WWTR1: variants seen among roughly 807,000 people sequenced by gnomAD.
The protein encoded by WWTR1 is WW domain containing transcription regulator 1, also known as WW domain-containing transcription regulator protein 1.
WWTR1 carries 13 observed loss-of-function variants against 40.1 expected under a neutral mutation model. The observed-to-expected ratio is 0.32, with a 90% CI of 0.21 to 0.52. The LOEUF is 0.52. Among genes scored for constraint, WWTR1 ranks in the 20% least tolerant of loss-of-function variants. The probability of loss-of-function intolerance (pLI) is 0.97; values close to 1 mark genes in which losing one functional copy is unlikely to be tolerated. For synonymous variants in WWTR1, 230 were observed against 210.1 expected (o/e 1.09, Z -0.82); for missense variants, 436 against 523.1 (o/e 0.83, Z 1.63).
chr3:149,645,046 T>C (rs1712410478), intron 2 of WWTR1, among the ~76,000 whole-genome samples: 1 of 151,814 alleles, frequency 6.6e-6, no homozygotes, highest in Non-Finnish European at 1.5e-5. Context: ...AGATACGGGG[T>C]TTCACCATGT....
chr3:149,590,752 A>G (rs575404154), intron 2 of WWTR1, among the ~76,000 whole-genome samples: 1 of 152,310 alleles, frequency 6.6e-6, no homozygotes, highest in African/African-American at 2.4e-5. Context: ...AATAAGGTCT[A>G]GGGCTTTTTC....
intron 2 of WWTR1, among the ~76,000 whole-genome samples, chr3:149,638,946 G>A (rs568107732): frequency 7.9e-5 from 12 of 152,264 alleles, no homozygotes; most frequent in African/African-American, 2.2e-4. Context: ...CAAAAACACC[G>A]CAGAGGCTAG....
chr3:149,622,483 AAGG>A (rs1560089608), intron 2 of WWTR1, among the ~76,000 whole-genome samples: 3 of 129,014 alleles, frequency 2.3e-5, no homozygotes, highest in Non-Finnish European at 5.0e-5. Context: ...GGAAGGAAGG[AAGG>A]AAGGAAGGAA....
intron 1 of WWTR1, chr3:149,702,649 C>G (rs1715217483): frequency 6.6e-6 from 1 of 151,850 alleles, no homozygotes. Flanking sequence ...CTTGACTTTA[C>G]TCTTGAAACC....
intron 4 of WWTR1, among the ~76,000 whole-genome samples, chr3:149,539,894 C>T (rs538557677): frequency 6.6e-6 from 1 of 152,126 alleles, no homozygotes; most frequent in East Asian, 1.9e-4. Context: ...TAGAACACTC[C>T]AATGCCATTT....
intron 3 of WWTR1, among the ~76,000 whole-genome samples, chr3:149,554,273 T>C (rs1250760896): frequency 5.3e-5 from 8 of 152,184 alleles, no homozygotes; most frequent in African/African-American, 1.9e-4. Context: ...GCTTCACTGT[T>C]TCAAGCCTTA....
intron 1 of WWTR1, among the ~76,000 whole-genome samples, chr3:149,678,779 C>A (rs1169946883): frequency 6.6e-6 from 1 of 151,380 alleles, no homozygotes; most frequent in Non-Finnish European, 1.5e-5. Flanking sequence ...TTCATGGGAA[C>A]TTTCCAAGGT....
intron 2 of WWTR1, among the ~76,000 whole-genome samples, chr3:149,594,736 CCACACA>C (rs112400903): frequency 3.4e-5 from 5 of 149,218 alleles, no homozygotes; most frequent in African/African-American, 1.2e-4. Flanking sequence ...CACACACACA[CCACACA>C]CACACACACA....
chr3:149,707,241 G>A (rs1342015422), upstream of WWTR1, among the ~76,000 whole-genome samples: 1 of 152,164 alleles, frequency 6.6e-6, no homozygotes, highest in African/African-American at 2.4e-5. Flanking sequence ...TGCAGTGTAG[G>A]GAGAAAGCCA....
upstream of WWTR1, among the ~76,000 whole-genome samples, chr3:149,662,693 GT>G (rs1217100227): frequency 7.2e-5 from 11 of 151,994 alleles, no homozygotes; most frequent in Non-Finnish European, 1.5e-5. Flanking sequence ...CAGCTCAGAA[GT>G]TTTTTTTAAC....
intron 2 of WWTR1, among the ~76,000 whole-genome samples, chr3:149,605,868 C>A (rs190571432): frequency 2.0e-5 from 3 of 152,218 alleles, no homozygotes; most frequent in East Asian, 3.9e-4. Context: ...GAGAACACAG[C>A]TATAAAGACA....
intron 2 of WWTR1, chr3:149,650,020 C>T (rs757063953): frequency 6.6e-6 from 1 of 152,154 alleles, no homozygotes; most frequent in African/African-American, 2.4e-5. Flanking sequence ...CCTCGGCCCC[C>T]CAAAGTGATA....
rs142286224 is a variant in WWTR1 at position 149,644,202 on chromosome 3, G to A, written c.431+12674C>T. ...ATCTTCCTTTCCTCCTGCTTTACTC[G>A]CTGCCTTTATCCAATCCATCACCAA... On this transcript the variant is annotated intron_variant, in intron 2 of 6. Coordinates refer to ENST00000360632, the MANE Select transcript of WWTR1 (RefSeq NM_015472.6). Among the ~76,000 whole-genome samples, 11 of 152,118 alleles carry A rather than the reference G, an allele frequency of 7.2e-5. No individual in the cohort carries two copies. The South Asian group carries it at 1.2e-3, about 17-fold the overall frequency.
intron 2 of WWTR1, among the ~76,000 whole-genome samples, chr3:149,641,062 C>T (rs761870840): frequency 2.0e-5 from 3 of 151,918 alleles, no homozygotes; most frequent in East Asian, 1.9e-4. Context: ...TTAAGGCATT[C>T]GATATTATTT....
chr3:149,526,957 A>G (rs956192325), intron 5 of WWTR1, among the ~76,000 whole-genome samples: 2 of 152,216 alleles, frequency 1.3e-5, no homozygotes, highest in African/African-American at 4.8e-5. Flanking sequence ...AAATTGTGAA[A>G]TTATTTTAAA....
Position 149,552,357 on chromosome 3 carries a change from T to TGCC in WWTR1, c.569-9821_569-9820insGGC, listed in dbSNP as rs1308700252. Among the ~76,000 whole-genome samples, 13 of 109,040 alleles carry TGCC rather than the reference T, an allele frequency of 1.2e-4. 1 individual carries two copies. The highest frequency in any genetic ancestry group is 5.8e-4 in the East Asian group (2 of 3,476). 71.5% of individuals were successfully genotyped at this position (109,040 alleles called of 152,430 possible). A position where few individuals can be genotyped will look rare whatever the true frequency, so the allele number is the denominator to read the frequency against. On this transcript the variant is annotated intron_variant, in intron 3 of 6. Transcript: ENST00000360632. ...TAAATACATTCTCCCCAAAGTAAGG[T>TGCC]TAAGGGAGGTTAGAAATTGGTAACA...
intron 2 of WWTR1, 24 bp downstream of exon 2, chr3:149,656,852 T>G: frequency 6.0e-6 from 9 of 1,500,588 alleles, no homozygotes; most frequent in Non-Finnish European, 7.1e-6. Flanking sequence ...ACTTGGTGCC[T>G]TCTTCGGCTC....
chr3:149,680,496 G>A lies in WWTR1; in HGVS notation c.-107-10605C>T, dbSNP rs755321019. On this transcript the variant is annotated intron_variant, in intron 1 of 7. Transcript: ENST00000465804. ...GAGGCGGAGGTTGCAGTGAGCCAAC[G>A]TTGTGCCACTGCACTCCAGCCTGGG... Among the ~76,000 whole-genome samples, 34 of 151,790 alleles carry A rather than the reference G, an allele frequency of 2.2e-4. 1 individual carries two copies. The highest frequency in any genetic ancestry group is 2.0e-3 in the Admixed American group (31 of 15,232).
intron 2 of WWTR1, among the ~76,000 whole-genome samples, chr3:149,653,208 T>C (rs572196114): frequency 5.5e-4 from 84 of 152,368 alleles, no homozygotes; most frequent in South Asian, 1.7e-3. Context: ...GATAACTTTC[T>C]TCTTTATAAT....
Sources: allele counts gnomAD v4.1 joint callset (sites outside exome capture counted in the v4.1 genomes callset), GRCh38; gene constraint gnomAD v4.1.1; transcripts MANE v1.5; gene names NCBI Gene and HGNC (gene_info 2026-07-23, HGNC 2026-07-21).